The following ALKBH4 variants were observed in gnomAD, a reference collection of about 807,000 sequenced individuals.
ALKBH4 encodes alkB homolog 4, lysine demethylase.
Under a neutral mutation model 12.1 loss-of-function variants are expected in ALKBH4, and 8 were observed. That is an observed-to-expected ratio of 0.66 (90% CI 0.39 to 1.19). The LOEUF is 1.19. ALKBH4 is among the 50% of genes most tolerant of loss of function. ALKBH4 has a pLI of 0.01. For synonymous variants in ALKBH4, 195 were observed against 191.6 expected, an observed-to-expected ratio of 1.02 and a Z score of -0.15; for missense variants, 403 against 430.4, an observed-to-expected ratio of 0.94 and a Z score of 0.56.
At chr7:102,458,128 A>C in intron 2 of ALKBH4, 147 bp from the exon 3 acceptor site, 1 of 759,910 alleles carries the variant, frequency 1.3e-6, no homozygotes. Context: ...AGGCAGACTC[A>C]AGGAGACAGA....
intron 1 of ALKBH4, among the ~76,000 whole-genome samples, chr7:102,461,717 T>C (rs11764413): frequency 0.61 from 93,325 of 152,062 alleles, 29,695 homozygotes; most frequent in Non-Finnish European, 0.71. Flanking sequence ...TATTTGCATC[T>C]GTGGCACTGA....
At chr7:102,463,996 G>A (rs1797867973) in intron 1 of ALKBH4, among the ~76,000 whole-genome samples, 2 of 151,890 alleles carry the variant, frequency 1.3e-5, no homozygotes, top group Non-Finnish European at 2.9e-5. Flanking sequence ...GACAAGTCCA[G>A]CCTGCTCAGC....
rs532875178 is a variant in ALKBH4 at position 102,458,334 on chromosome 7, C to T, written c.322-353G>A. On this transcript the variant is annotated intron_variant, in intron 2 of 2. Transcript: ENST00000292566. ...CCTATCATCCTAACACTTTGGGAGG[C>T]CCAGGCAGGTGGATCGTTTGAGCCC... Among the ~76,000 whole-genome samples the T allele has an allele frequency of 2.6e-5, 4 of 152,152 alleles. No individual in the cohort carries two copies. In the East Asian group the frequency reaches 7.7e-4, roughly 29 times the overall value.
At chr7:102,461,518 G>A (rs558600114) in intron 1 of ALKBH4, among the ~76,000 whole-genome samples, 17 of 151,850 alleles carry the variant, frequency 1.1e-4, no homozygotes, top group African/African-American at 3.6e-4. Context: ...GCGCCACCAT[G>A]CCCAGCTAAT....
Position 102,457,961 on chromosome 7 carries a change from G to A in ALKBH4, c.342C>T (p.Asn114=), listed in dbSNP as rs1797698348. The change falls in exon 3 of 3, where the codon AAC becomes AAT. Residue 114 remains asparagine, a synonymous_variant. Transcript: ENST00000292566. This position sits in a 1 kb window ranked among gnomAD's most constrained non-coding sequence, Gnocchi z 5.9. ...CGGTCTTTAGCTTCTGTTTCCGAAAGTTGACTTTGGGGCCATAGTCCTGAA... is the reference window on the plus strand; with the variant it reads ...CGGTCTTTAGCTTCTGTTTCCGAAAATTGACTTTGGGGCCATAGTCCTGAA... ...RRKQDYGPKV[N]FRKQKLKTEG... The A allele has an allele frequency of 6.2e-7, 1 of 1,609,164 alleles. No individual in the cohort carries two copies. Among genetic ancestry groups the A allele is most frequent in the South Asian group, 1.1e-5 (1 of 90,900 alleles).
In ALKBH4 at chr7:102,457,263, C is replaced by T; in HGVS notation, c.*131G>A. The T allele has an allele frequency of 5.6e-6, 6 of 1,073,450 alleles. No individual in the cohort carries two copies. In the South Asian group the frequency reaches 9.7e-5, roughly 17 times the overall value. 66.5% of individuals were successfully genotyped at this position (1,073,450 alleles called of 1,614,324 possible). A position where few individuals can be genotyped will look rare whatever the true frequency, so the allele number is the denominator to read the frequency against. ...GTTCCCATCAAAACCTGCTCCTGGG[C>T]AGGGCTCACACTGCTCACAGCATCA... On this transcript the variant is annotated 3_prime_UTR_variant, in exon 3 of 3. Transcript: ENST00000292566. This position sits in a 1 kb window ranked among gnomAD's most constrained non-coding sequence, Gnocchi z 5.9.
intron 1 of ALKBH4, 36 bp from the exon 2 acceptor site, chr7:102,459,837 A>G (rs1230381963): frequency 6.4e-7 from 1 of 1,550,616 alleles, no homozygotes; most frequent in Non-Finnish European, 8.7e-7. Flanking sequence ...GCTGGGCAAC[A>G]CAGCGAGACC....
In ALKBH4 at chr7:102,464,862, A is replaced by C; in HGVS notation, c.-26T>G. On this transcript the variant is annotated 5_prime_UTR_variant, in exon 1 of 3. Transcript: ENST00000292566. Reference sequence around the variant, plus strand: ...CGCGCCGTCCGCGTGGCCAGTGCGCAGGCGCGGCCGTGGGGGCCGCTGGGA... The same window carrying C: ...CGCGCCGTCCGCGTGGCCAGTGCGCCGGCGCGGCCGTGGGGGCCGCTGGGA... The C allele has an allele frequency of 2.1e-6, 3 of 1,453,952 alleles. No homozygotes were observed. Among genetic ancestry groups the C allele is most frequent in the Non-Finnish European group, 2.7e-6 (3 of 1,109,182 alleles). 90.1% of individuals were successfully genotyped at this position (1,453,952 alleles called of 1,614,324 possible).
chr7:102,461,882 T>A lies in ALKBH4; in HGVS notation c.124-2081A>T, dbSNP rs186610437. On this transcript the variant is annotated intron_variant, in intron 1 of 2. Coordinates refer to ENST00000292566, the MANE Select transcript of ALKBH4 (RefSeq NM_017621.4). ...ACTCAGCCCTGGGCTCTGTGGCCTG[T>A]CTCCTCTTCCTCTTCCATCTCCAGG... is the stretch of plus-strand genomic sequence containing the variant. Among the ~76,000 whole-genome samples, 627 of 152,252 alleles carry A rather than the reference T, an allele frequency of 4.1e-3. 2 individuals carry two copies. The highest frequency in any genetic ancestry group is 6.7e-3 in the Non-Finnish European group (458 of 68,008).
Position 102,461,653 on chromosome 7 carries a change from A to G in ALKBH4, c.124-1852T>C, listed in dbSNP as rs1797798385. Among the ~76,000 whole-genome samples the G allele has an allele frequency of 3.3e-5, 5 of 152,314 alleles. No individual in the cohort carries two copies. The South Asian group carries it at 1.0e-3, about 32-fold the overall frequency. The stretch of plus-strand genomic sequence containing the variant: ...GCTGGGATTACAGGCGTGAACCACC[A>G]TGCCCAGCCAATAGTAAATTTTTAA... On this transcript the variant is annotated intron_variant, in intron 1 of 2. Transcript: ENST00000292566.
intron 1 of ALKBH4, among the ~76,000 whole-genome samples, chr7:102,462,677 A>G (rs2133255545): frequency 1.3e-5 from 2 of 152,024 alleles, no homozygotes; most frequent in Middle Eastern, 6.8e-3. Context: ...CCCTTCCACA[A>G]ATTAAAACTC....
In ALKBH4 at chr7:102,457,665, G is replaced by T. The variant is rs1797685365; in HGVS notation, c.638C>A (p.Ala213Asp). ...LCSAPSAAPE[A>D]LVDSVIAPSR... ...GGGTGCTATCACGCTGTCCACCAAG[G>T]CCTCCGGGGCAGCCGACGGGGCCGA... Residue 213 changes from alanine to aspartate, a missense_variant, in exon 3 of 3, where the codon GCC becomes GAC. By Grantham distance (126) the Ala-to-Asp change is moderately radical. Coordinates refer to ENST00000292566, the MANE Select transcript of ALKBH4 (RefSeq NM_017621.4). This position sits in a 1 kb window ranked among gnomAD's most constrained non-coding sequence, Gnocchi z 5.9. 1 of 1,563,574 alleles carries T rather than the reference G, an allele frequency of 6.4e-7. No individual in the cohort carries two copies. Among genetic ancestry groups the T allele is most frequent in the Non-Finnish European group, 8.6e-7 (1 of 1,160,696 alleles).
intron 1 of ALKBH4, among the ~76,000 whole-genome samples, chr7:102,464,077 C>G (rs1021783472): frequency 3.3e-5 from 5 of 152,158 alleles, no homozygotes; most frequent in Non-Finnish European, 5.9e-5. Context: ...TCTCTCTCAC[C>G]TGAGGCATCA....
At position 102,464,809 on chromosome 7, in the gene ALKBH4, C is replaced by T. The variant is rs531508990; in HGVS notation, c.28G>A (p.Glu10Lys). 5.8e-6 allele frequency: 9 copies of T among 1,547,038 alleles called. No individual in the cohort carries two copies. Among genetic ancestry groups the T allele is most frequent in the Admixed American group, 4.1e-5 (2 of 48,760 alleles). MAAAAAETP[E>K]VLRECGCKGI... ...TTGCAACCGCATTCCCGAAGGACTT[C>T]GGGGGTCTCGGCGGCAGCCGCCGCC... Residue 10 changes from glutamate to lysine, a missense_variant, in exon 1 of 3, where the codon GAA (glutamate) becomes AAA (lysine). Transcript: ENST00000292566.
chr7:102,464,626 TC>T lies in ALKBH4; in HGVS notation c.123+87del, dbSNP rs1797894355. 3 of 1,434,602 alleles carry T rather than the reference TC, an allele frequency of 2.1e-6. No homozygotes were observed. In the South Asian group the frequency reaches 4.4e-5, roughly 21 times the overall value. The allele number at this position is 1,434,602 out of a possible 1,614,324, so 88.9% of individuals were successfully genotyped here. ...CGTAAGGGTCCCTCACAGGCTTCGA[TC>T]CCGGCCCCTATCATGGCCAAGCTGG... On this transcript the variant is annotated intron_variant, in intron 1 of 2. Coordinates refer to ENST00000292566, the MANE Select transcript of ALKBH4 (RefSeq NM_017621.4).
chr7:102,464,843 G>A lies in ALKBH4; in HGVS notation c.-7C>T. On this transcript the variant is annotated 5_prime_UTR_variant, in exon 1 of 3. The change creates a new upstream start codon in the 5' untranslated region. Coordinates refer to ENST00000292566, the MANE Select transcript of ALKBH4 (RefSeq NM_017621.4). ...CGGCGGCAGCCGCCGCCATCGCGCC[G>A]TCCGCGTGGCCAGTGCGCAGGCGCG... is the stretch of plus-strand genomic sequence containing the variant. 9 of 1,507,490 alleles carry A rather than the reference G, an allele frequency of 6.0e-6. No homozygotes were observed. The highest frequency in any genetic ancestry group is 7.1e-6 in the Non-Finnish European group (8 of 1,132,714). 93.4% of individuals were successfully genotyped at this position (1,507,490 alleles called of 1,614,324 possible).
Position 102,458,027 on chromosome 7 carries a change from A to G in ALKBH4, c.322-46T>C, listed in dbSNP as rs778530306. ...GGACATGAGGTGTCTGAGTTTACGA[A>G]GATGTCTACCACAGACTAGGTGGGA... On this transcript the variant is annotated intron_variant, in intron 2 of 2. Coordinates refer to ENST00000292566, the MANE Select transcript of ALKBH4 (RefSeq NM_017621.4). 7.2e-6 allele frequency: 11 copies of G among 1,528,508 alleles called. No individual in the cohort carries two copies. In the Admixed American group the frequency reaches 1.7e-4, roughly 24 times the overall value. The allele number at this position is 1,528,508 out of a possible 1,614,324, so 94.7% of individuals were successfully genotyped here. A position where few individuals can be genotyped will look rare whatever the true frequency, so the allele number is the denominator to read the frequency against.
intron 1 of ALKBH4, 60 bp from the exon 2 acceptor site, chr7:102,459,861 A>G: frequency 6.7e-7 from 1 of 1,490,006 alleles, no homozygotes; most frequent in Non-Finnish European, 9.0e-7. Flanking sequence ...TCCCTACGAA[A>G]AGTTAAAACA....
chr7:102,462,136 A>G (rs755769870), intron 1 of ALKBH4, among the ~76,000 whole-genome samples: 1 of 152,138 alleles, frequency 6.6e-6, no homozygotes, highest in Admixed American at 6.5e-5. Flanking sequence ...CCGAAAGGCC[A>G]TGGAGCGCTC....
Sources: allele counts gnomAD v4.1 joint callset (sites outside exome capture counted in the v4.1 genomes callset), GRCh38; gene constraint gnomAD v4.1.1; non-coding constraint Gnocchi (gnomAD v3.1); transcripts MANE v1.5; gene names NCBI Gene and HGNC (gene_info 2026-07-23, HGNC 2026-07-21).